IQSEC1: variants seen among roughly 807,000 people sequenced by gnomAD.
IQSEC1 encodes IQ motif and Sec7 domain ArfGEF 1, also known as IQ motif and SEC7 domain-containing protein 1.
A neutral mutation model predicts 91.0 loss-of-function variants in IQSEC1; 31 were observed. That is an observed-to-expected ratio of 0.34 (90% CI 0.26 to 0.46). IQSEC1 has a LOEUF of 0.46. Among genes scored for constraint, IQSEC1 ranks in the 20% least tolerant of loss-of-function variants. The pLI is 1.00. For synonymous variants in IQSEC1, 699 were observed against 662.6 expected, an observed-to-expected ratio of 1.05 and a Z score of -0.84; for missense variants, 1,388 against 1,575.6, an observed-to-expected ratio of 0.88 and a Z score of 2.02.
At chr3:13,136,966 T>C (rs1296768753) in intron 2 of IQSEC1, among the ~76,000 whole-genome samples, 11 of 152,080 alleles carry the variant, frequency 7.2e-5, no homozygotes, top group Non-Finnish European at 1.5e-4. Context: ...GTGAGACCCC[T>C]GTCTCTAAAT....
intron 1 of IQSEC1, among the ~76,000 whole-genome samples, chr3:13,208,424 G>A (rs536939750): frequency 6.6e-6 from 1 of 152,214 alleles, no homozygotes; most frequent in Admixed American, 6.5e-5. Flanking sequence ...CCTCTGCAAA[G>A]GCTGTGCCTC....
chr3:13,233,679 A>ACGT (rs1694872766), intron 1 of IQSEC1, among the ~76,000 whole-genome samples: 1 of 152,044 alleles, frequency 6.6e-6, no homozygotes, highest in East Asian at 1.9e-4. Flanking sequence ...TCTCCCTGCC[A>ACGT]CGTAGCCTGC....
chr3:12,982,785 TG>T (rs951734458), intron 1 of IQSEC1, among the ~76,000 whole-genome samples: 5 of 152,202 alleles, frequency 3.3e-5, no homozygotes, highest in Non-Finnish European at 7.4e-5. Context: ...CTGCCTGTGG[TG>T]GGGCTGTTGT....
At chr3:13,148,713 T>C (rs1418814583) in intron 2 of IQSEC1, among the ~76,000 whole-genome samples, 2 of 152,192 alleles carry the variant, frequency 1.3e-5, no homozygotes, top group Non-Finnish European at 2.9e-5. Context: ...TGTCCCTGCC[T>C]CTCCATGCCT....
At chr3:13,073,499 C>A (rs1705503897), upstream of IQSEC1, among the ~76,000 whole-genome samples, 1 of 152,174 alleles carries the variant, frequency 6.6e-6, no homozygotes, top group Non-Finnish European at 1.5e-5. Flanking sequence ...TGCGGCCGCG[C>A]CGGACCAATC....
chr3:13,024,230 C>T (rs1703517971), intron 1 of IQSEC1, among the ~76,000 whole-genome samples: 1 of 152,250 alleles, frequency 6.6e-6, no homozygotes, highest in African/African-American at 2.4e-5. Context: ...CACACACCTT[C>T]CTCTCCAATG....
chr3:13,089,923 T>C (rs901580154), intron 2 of IQSEC1, among the ~76,000 whole-genome samples: 2 of 152,226 alleles, frequency 1.3e-5, no homozygotes, highest in Admixed American at 6.5e-5. Flanking sequence ...TTAAAAACAC[T>C]GTATATTTTA....
intron 2 of IQSEC1, among the ~76,000 whole-genome samples, chr3:13,137,003 G>T (rs1382966510): frequency 6.6e-6 from 1 of 152,172 alleles, no homozygotes; most frequent in Admixed American, 6.5e-5. Context: ...TGGACATAGT[G>T]GCACATGCCT....
chr3:13,002,098 C>A (rs548751729), intron 1 of IQSEC1, among the ~76,000 whole-genome samples: 27 of 152,032 alleles, frequency 1.8e-4, no homozygotes, highest in African/African-American at 4.6e-4. Flanking sequence ...ACAACAACAA[C>A]AAAAAACAAG....
chr3:12,955,256 A>G (rs1478044435), intron 1 of IQSEC1, among the ~76,000 whole-genome samples: 1 of 152,220 alleles, frequency 6.6e-6, no homozygotes, highest in Non-Finnish European at 1.5e-5. Flanking sequence ...CCCCTTGAGA[A>G]TGCCCTGGGC....
intron 1 of IQSEC1, among the ~76,000 whole-genome samples, chr3:13,023,328 C>G (rs1379713021): frequency 6.6e-6 from 1 of 152,180 alleles, no homozygotes; most frequent in African/African-American, 2.4e-5. Context: ...CCAGCTGCTC[C>G]CAGGCCCAGC....
rs569620759 is a variant in IQSEC1 at position 13,252,210 on chromosome 3, C to A, written c.272+30501G>T. The stretch of plus-strand genomic sequence containing the variant: ...AACACGAACTCACCAATCCCCCTCC[C>A]CTCAGCCCCTGGCGTCCATCCTTCC... On this transcript the variant is annotated intron_variant, in intron 1 of 15. Transcript: ENST00000648114. Among the ~76,000 whole-genome samples, 3 of 152,286 alleles carry A rather than the reference C, an allele frequency of 2.0e-5. No individual in the cohort carries two copies. The East Asian group carries it at 5.8e-4, about 29-fold the overall frequency.
chr3:13,184,428 T>C (rs1318703004), intron 1 of IQSEC1, among the ~76,000 whole-genome samples: 1 of 152,222 alleles, frequency 6.6e-6, no homozygotes, highest in Non-Finnish European at 1.5e-5. Context: ...ATGAGAATTC[T>C]CTGCCCATCA....
chr3:12,903,048 G>C (rs1694549066), intron 12 of IQSEC1, among the ~76,000 whole-genome samples: 1 of 151,858 alleles, frequency 6.6e-6, no homozygotes, highest in African/African-American at 2.4e-5. Context: ...TTTTCGAAAA[G>C]CAAAAAAAAA....
chr3:13,164,559 C>T (rs1693444258), intron 1 of IQSEC1, among the ~76,000 whole-genome samples: 1 of 152,174 alleles, frequency 6.6e-6, no homozygotes, highest in African/African-American at 2.4e-5. Flanking sequence ...CACTGCATCC[C>T]CTACTTGGTA....
chr3:13,138,090 T>C (rs1452212807), intron 2 of IQSEC1, among the ~76,000 whole-genome samples: 1 of 152,080 alleles, frequency 6.6e-6, no homozygotes, highest in African/African-American at 2.4e-5. Context: ...TGTTTCTCCA[T>C]ATGCAAAATG....
intron 1 of IQSEC1, among the ~76,000 whole-genome samples, chr3:13,169,484 C>T (rs1472190740): frequency 2.6e-5 from 4 of 152,182 alleles, no homozygotes; most frequent in East Asian, 1.9e-4. Context: ...AATGTGGAAG[C>T]GACTTTGGAA....
rs2124956187 is a variant in IQSEC1, at chr3:12,899,510, T to G, written c.*1473A>C. 2 of 1,557,778 alleles carry G rather than the reference T, an allele frequency of 1.3e-6. No homozygotes were observed. Among genetic ancestry groups the G allele is most frequent in the East Asian group, 4.8e-5 (2 of 42,008 alleles). On this transcript the variant is annotated 3_prime_UTR_variant, in exon 14 of 14. Coordinates refer to ENST00000613206, the MANE Select transcript of IQSEC1 (RefSeq NM_001134382.3). The stretch of plus-strand genomic sequence containing the variant: ...GTCTGGCCCTGGGGAGCGCATGGTG[T>G]CACCACAACACAGAAGCGACAAGAG...
intron 1 of IQSEC1, among the ~76,000 whole-genome samples, chr3:13,186,655 G>A (rs1031339618): frequency 6.6e-6 from 1 of 152,210 alleles, no homozygotes; most frequent in Non-Finnish European, 1.5e-5. Flanking sequence ...AGACGGGGCA[G>A]AGCTAGTTCA....
Sources: allele counts gnomAD v4.1 joint callset (sites outside exome capture counted in the v4.1 genomes callset), GRCh38; gene constraint gnomAD v4.1.1; transcripts MANE v1.5; gene names NCBI Gene and HGNC (gene_info 2026-07-23, HGNC 2026-07-21).